Variants in CTNNA2 observed in about 807,000 individuals in gnomAD.
The protein encoded by CTNNA2 is catenin alpha 2.
CTNNA2 carries 42 observed loss-of-function variants against 101.0 expected under a neutral mutation model. The observed-to-expected ratio is 0.42, with a 90% CI of 0.32 to 0.54. The LOEUF (loss-of-function observed/expected upper bound fraction) is 0.54, where lower values mean the gene tolerates loss of function less well. Ranked by LOEUF, CTNNA2 falls within the 20% of genes least tolerant of loss-of-function variation. CTNNA2 has a pLI of 0.14. For synonymous variants in CTNNA2, 450 were observed against 456.4 expected (o/e 0.99, Z 0.18); for missense variants, 871 against 1,223.1 (o/e 0.71, Z 4.29).
intron 7 of CTNNA2, among the ~76,000 whole-genome samples, chr2:80,101,794 T>A (rs570537653): frequency 6.6e-6 from 1 of 152,284 alleles, no homozygotes; most frequent in South Asian, 2.1e-4. Flanking sequence ...GACAATGGAA[T>A]CTTCTTTGTT....
chr2:80,516,884 G>A (rs1689153282), intron 9 of CTNNA2, among the ~76,000 whole-genome samples: 3 of 152,156 alleles, frequency 2.0e-5, no homozygotes, highest in Admixed American at 6.5e-5. Flanking sequence ...CATAACTGAA[G>A]TTTTCTCTTC....
chr2:80,581,295 C>T (rs58039899), intron 13 of CTNNA2, among the ~76,000 whole-genome samples: 2,870 of 152,208 alleles, frequency 0.019, 70 homozygotes, highest in South Asian at 0.1. Context: ...TCCATCAGGT[C>T]TAGCCTTTGG....
intron 2 of CTNNA2, among the ~76,000 whole-genome samples, chr2:79,251,493 C>T (rs1407109284): frequency 6.6e-6 from 1 of 152,152 alleles, no homozygotes; most frequent in Non-Finnish European, 1.5e-5. Flanking sequence ...TAACTCACTT[C>T]TAACCAATAG....
intron 1 of CTNNA2, among the ~76,000 whole-genome samples, chr2:79,566,629 A>C (rs1434946947): frequency 6.6e-6 from 1 of 152,142 alleles, no homozygotes; most frequent in Non-Finnish European, 1.5e-5. Context: ...CAGTCATATG[A>C]GATAATTATG....
chr2:79,488,054 C>A (rs567335868), intron 4 of CTNNA2, among the ~76,000 whole-genome samples: 97 of 152,076 alleles, frequency 6.4e-4, no homozygotes, highest in Non-Finnish European at 1.0e-3. Flanking sequence ...AAAAGACAGA[C>A]AGTGTAATCC....
chr2:80,532,726 T>C (rs1558556861), intron 9 of CTNNA2, among the ~76,000 whole-genome samples: 1 of 152,078 alleles, frequency 6.6e-6, no homozygotes, highest in African/African-American at 2.4e-5. Context: ...GAACTACTGT[T>C]TGGTTTGTGT....
At chr2:79,703,823 A>G (rs1357871208) in intron 2 of CTNNA2, among the ~76,000 whole-genome samples, 1 of 152,212 alleles carries the variant, frequency 6.6e-6, no homozygotes, top group African/African-American at 2.4e-5. Flanking sequence ...CATGCAGTCC[A>G]GAAATATTAC....
chr2:79,343,951 T>C (rs896341561), intron 3 of CTNNA2, among the ~76,000 whole-genome samples: 24 of 152,150 alleles, frequency 1.6e-4, no homozygotes, highest in African/African-American at 5.1e-4. Context: ...CATGTGCTAT[T>C]CATGTGGTAC....
At chr2:80,618,361 T>C (rs914779141) in intron 17 of CTNNA2, among the ~76,000 whole-genome samples, 28 of 151,736 alleles carry the variant, frequency 1.8e-4, no homozygotes, top group African/African-American at 6.8e-4. Context: ...CTCCTTTTAG[T>C]TGTATATTTG....
chr2:79,888,057 T>C (rs1186569697), intron 6 of CTNNA2, among the ~76,000 whole-genome samples: 1 of 152,190 alleles, frequency 6.6e-6, no homozygotes, highest in African/African-American at 2.4e-5. Context: ...ATGGACAGTG[T>C]GTAGTCATCC....
chr2:79,531,193 CTCATATATATATATA>C (rs1165651311), intron 1 of CTNNA2, among the ~76,000 whole-genome samples: 1 of 97,402 alleles, frequency 1.0e-5, no homozygotes, highest in Admixed American at 1.3e-4. Flanking sequence ...AATAGATACG[CTCATATATATATATA>C]TATATATATA....
At chr2:80,016,487 G>A (rs577528321) in intron 7 of CTNNA2, among the ~76,000 whole-genome samples, 1 of 152,128 alleles carries the variant, frequency 6.6e-6, no homozygotes, top group Non-Finnish European at 1.5e-5. Flanking sequence ...AGAGAGTGAG[G>A]CCTCTTTAAT....
chr2:80,479,058 T>C (rs1685948949), intron 9 of CTNNA2, among the ~76,000 whole-genome samples: 1 of 151,918 alleles, frequency 6.6e-6, no homozygotes, highest in Non-Finnish European at 1.5e-5. Flanking sequence ...CTTTCATCAA[T>C]ATTTTGTGGT....
chr2:80,056,981 G>A (rs7587853), intron 7 of CTNNA2, among the ~76,000 whole-genome samples: 56,983 of 152,096 alleles, frequency 0.37, 11,146 homozygotes, highest in Non-Finnish European at 0.42. Flanking sequence ...GTGGTTAGTT[G>A]TATGAGAATT....
At chr2:80,083,584 A>G (rs1003577755) in intron 7 of CTNNA2, among the ~76,000 whole-genome samples, 11 of 152,132 alleles carry the variant, frequency 7.2e-5, no homozygotes, top group African/African-American at 2.7e-4. Context: ...TGAAAGAAGG[A>G]AGCATTCCTG....
chr2:80,231,340 G>T (rs1199242947), intron 7 of CTNNA2, among the ~76,000 whole-genome samples: 1 of 152,180 alleles, frequency 6.6e-6, no homozygotes, highest in Non-Finnish European at 1.5e-5. Flanking sequence ...CAGTGGTTCA[G>T]AGCGTCACCT....
chr2:80,280,748 C>T (rs955666258), intron 7 of CTNNA2, among the ~76,000 whole-genome samples: 1 of 152,088 alleles, frequency 6.6e-6, no homozygotes, highest in Non-Finnish European at 1.5e-5. Context: ...ATGATGAAAT[C>T]TTGCACTGTC....
intron 4 of CTNNA2, among the ~76,000 whole-genome samples, chr2:79,442,478 A>G (rs1365944006): frequency 6.6e-6 from 1 of 152,272 alleles, no homozygotes; most frequent in South Asian, 2.1e-4. Flanking sequence ...TGGCATGAAG[A>G]TACGTGTTCT....
intron 7 of CTNNA2, among the ~76,000 whole-genome samples, chr2:80,146,891 T>C (rs1362024063): frequency 4.7e-5 from 7 of 150,270 alleles, no homozygotes; most frequent in Non-Finnish European, 3.0e-5. Context: ...TAACTGGGAT[T>C]ACAGGTTTCC....
Sources: gnomAD v4.1 joint callset for allele counts (sites outside exome capture counted in the v4.1 genomes callset) on GRCh38, gnomAD v4.1.1 for gene constraint, MANE v1.5 for transcripts, NCBI Gene and HGNC (gene_info 2026-07-23, HGNC 2026-07-21) for gene names.